DNAJC6: variants seen among roughly 807,000 people sequenced by gnomAD.
The protein encoded by DNAJC6 is DnaJ heat shock protein family (Hsp40) member C6.
A neutral mutation model predicts 110.0 loss-of-function variants in DNAJC6; 34 were observed. The ratio of observed to expected loss-of-function variants is 0.31; its 90% CI spans 0.24 to 0.41. The LOEUF (loss-of-function observed/expected upper bound fraction) is 0.41. Among genes scored for constraint, DNAJC6 ranks in the 10% least tolerant of loss-of-function variants. The pLI is 1.00. For missense variants in DNAJC6, 1,031 were observed against 1,207.8 expected (o/e 0.85, Z 2.17); for synonymous variants, 406 against 437.2 (o/e 0.93, Z 0.89).
intron 4 of DNAJC6, among the ~76,000 whole-genome samples, chr1:65,375,411 A>C (rs1404699334): frequency 6.7e-6 from 1 of 149,986 alleles, no homozygotes; most frequent in Non-Finnish European, 1.5e-5. Flanking sequence ...CCATCCTTGT[A>C]CCAATGAAGT....
intron 1 of DNAJC6, chr1:65,279,036 G>T (rs1653762584): frequency 1.0e-6 from 1 of 985,206 alleles, no homozygotes; most frequent in Non-Finnish European, 1.2e-6. Flanking sequence ...GGAGATACTT[G>T]TTTCATCACC....
intron 1 of DNAJC6, among the ~76,000 whole-genome samples, chr1:65,327,260 C>T (rs1196536510): frequency 6.6e-6 from 1 of 151,752 alleles, no homozygotes. Context: ...TTCATTCATT[C>T]GTTTAGACAG....
rs775928833 is a variant in DNAJC6 at position 65,412,968 on chromosome 1, G to A, written c.2856G>A (p.Met952Ile). ...AACAATACGCAAAGATGATTTTCAT[G>A]GAGCTCAATGATGCCTGGTCTGAAT... The part of the protein sequence containing the change: ...PYEQYAKMIF[M>I]ELNDAWSEFE... Residue 952 changes from methionine (M) to isoleucine (I), a missense_variant, in exon 19 of 19, where the codon ATG (methionine) becomes ATA (isoleucine). Coordinates refer to ENST00000371069, the MANE Select transcript of DNAJC6 (RefSeq NM_001256864.2). The A allele has an allele frequency of 6.2e-7, 1 of 1,614,068 alleles. No homozygotes were observed. Among genetic ancestry groups the A allele is most frequent in the Non-Finnish European group, 8.5e-7 (1 of 1,179,986 alleles).
chr1:65,349,115 A>AAT lies in DNAJC6; in HGVS notation c.194-15508_194-15507dup, dbSNP rs1278749905. Among the ~76,000 whole-genome samples the AAT allele has an allele frequency of 1.6e-3, 228 of 144,516 alleles. 4 individuals are homozygous for AAT. Among genetic ancestry groups the AAT allele is most frequent in the African/African-American group, 5.4e-3 (215 of 39,584 alleles). The allele number at this position is 144,516 out of a possible 152,430, so 94.8% of individuals were successfully genotyped here. The stretch of plus-strand genomic sequence containing the variant: ...AAATATATATATAAATAAATATGTA[A>AAT]ATATATATATATAAATATATATGTA... On this transcript the variant is annotated intron_variant, in intron 1 of 18. Transcript: ENST00000371069.
intron 1 of DNAJC6, among the ~76,000 whole-genome samples, chr1:65,339,076 T>A (rs1217108649): frequency 6.6e-6 from 1 of 152,192 alleles, no homozygotes; most frequent in African/African-American, 2.4e-5. Flanking sequence ...TGTCAGACAT[T>A]ATGCTTTCTT....
chr1:65,287,979 G>A (rs1291727053), intron 1 of DNAJC6, among the ~76,000 whole-genome samples: 1 of 152,222 alleles, frequency 6.6e-6, no homozygotes, highest in African/African-American at 2.4e-5. Flanking sequence ...CACTGAGAAT[G>A]TAAATGCTTA....
intron 1 of DNAJC6, among the ~76,000 whole-genome samples, chr1:65,336,290 A>C (rs1010911529): frequency 6.6e-6 from 1 of 152,094 alleles, no homozygotes; most frequent in Non-Finnish European, 1.5e-5. Context: ...CACCACTATC[A>C]CGAGAACAGG....
intron 1 of DNAJC6, among the ~76,000 whole-genome samples, chr1:65,324,360 T>G (rs1408716347): frequency 6.6e-6 from 1 of 151,196 alleles, no homozygotes; most frequent in African/African-American, 2.5e-5. Flanking sequence ...TTTGTTTGTT[T>G]TGTTTTGTTT....
At chr1:65,368,731 C>CTTCTCCTTCTTCTTA (rs1645676214) in intron 4 of DNAJC6, among the ~76,000 whole-genome samples, 1 of 26,900 alleles carries the variant, frequency 3.7e-5, no homozygotes. Context: ...TCTTCTTCTT[C>CTTCTCCTTCTTCTTA]TTCTTCCCCC....
chr1:65,309,599 G>A lies in DNAJC6; in HGVS notation c.-147G>A. ...CCTCGCCCGGCGAAGCTTCTCTCCGGTGGCCGCTCCTTCTTTTCCCTCCTC... is the reference window on the plus strand; with the variant it reads ...CCTCGCCCGGCGAAGCTTCTCTCCGATGGCCGCTCCTTCTTTTCCCTCCTC... On this transcript the variant is annotated 5_prime_UTR_variant, in exon 1 of 19. The change creates a new upstream start codon in the 5' untranslated region. Transcript: ENST00000371069. 1 of 1,324,686 alleles carries A rather than the reference G, an allele frequency of 7.5e-7. No homozygotes were observed. The highest frequency in any genetic ancestry group is 9.6e-7 in the Non-Finnish European group (1 of 1,042,514). 82.1% of individuals were successfully genotyped at this position (1,324,686 alleles called of 1,614,324 possible).
intron 1 of DNAJC6, among the ~76,000 whole-genome samples, chr1:65,327,809 A>C (rs1229124810): frequency 6.6e-6 from 1 of 152,256 alleles, no homozygotes; most frequent in Non-Finnish European, 1.5e-5. Flanking sequence ...TAGAATATTA[A>C]GATATGCCTA....
intron 1 of DNAJC6, among the ~76,000 whole-genome samples, chr1:65,291,628 C>T (rs1644875430): frequency 6.6e-6 from 1 of 152,034 alleles, no homozygotes. Flanking sequence ...CATAAAAATC[C>T]AGGTTTTACT....
intron 4 of DNAJC6, among the ~76,000 whole-genome samples, chr1:65,369,454 T>C (rs539600057): frequency 6.6e-6 from 1 of 152,322 alleles, no homozygotes; most frequent in East Asian, 1.9e-4. Context: ...TCTTACTCCT[T>C]CCGGTTCTGT....
intron 1 of DNAJC6, among the ~76,000 whole-genome samples, chr1:65,286,230 T>C (rs531308450): frequency 1.6e-4 from 24 of 152,260 alleles, no homozygotes; most frequent in Admixed American, 3.9e-4. Context: ...TTCTAAGTTA[T>C]GTAGAACAGT....
chr1:65,299,592 C>T (rs1326055110), intron 1 of DNAJC6, among the ~76,000 whole-genome samples: 2 of 152,144 alleles, frequency 1.3e-5, no homozygotes, highest in African/African-American at 4.8e-5. Context: ...TCACTATATG[C>T]CAGGCCTTAT....
chr1:65,283,003 C>T lies in DNAJC6; in HGVS notation c.-131+18071C>T, dbSNP rs115899461. Among the ~76,000 whole-genome samples the T allele has an allele frequency of 4.2e-3, 643 of 152,186 alleles. 3 individuals carry two copies. Among genetic ancestry groups the T allele is most frequent in the African/African-American group, 0.014 (595 of 41,506 alleles). ...ATTTTGAAATAATCATAGATTTGTC[C>T]GAGAGATTCCAAAGAAATGTACAAT... is the stretch of plus-strand genomic sequence containing the variant. On this transcript the variant is annotated intron_variant, in intron 1 of 19. Transcript: ENST00000263441.
At chr1:65,291,788 A>G (rs1313180630) in intron 1 of DNAJC6, among the ~76,000 whole-genome samples, 2 of 152,178 alleles carry the variant, frequency 1.3e-5, no homozygotes, top group Non-Finnish European at 2.9e-5. Flanking sequence ...TTTGATATGA[A>G]AAGTTTGATA....
At chr1:65,353,499 G>C (rs955371164) in intron 1 of DNAJC6, among the ~76,000 whole-genome samples, 17 of 152,114 alleles carry the variant, frequency 1.1e-4, no homozygotes, top group Admixed American at 1.1e-3. Flanking sequence ...TGATTTCTTT[G>C]ATCCTTGAAG....
intron 1 of DNAJC6, among the ~76,000 whole-genome samples, chr1:65,332,719 G>T (rs1557526306): frequency 6.6e-6 from 1 of 151,914 alleles, no homozygotes; most frequent in African/African-American, 2.4e-5. Context: ...AATTGACAGT[G>T]TTTTTTTTGT....
Sources: allele counts gnomAD v4.1 joint callset (sites outside exome capture counted in the v4.1 genomes callset), GRCh38; gene constraint gnomAD v4.1.1; transcripts MANE v1.5; gene names NCBI Gene and HGNC (gene_info 2026-07-23, HGNC 2026-07-21).